The following TENM1 variants were observed in gnomAD, a reference collection of about 807,000 sequenced individuals.
The protein encoded by TENM1 is teneurin transmembrane protein 1, also known as teneurin-1.
TENM1 carries 35 observed loss-of-function variants against 174.8 expected under a neutral mutation model. The observed-to-expected ratio is 0.20, with a 90% CI of 0.15 to 0.27. TENM1 has a LOEUF of 0.27. TENM1 is among the 10% of genes least tolerant of loss of function. TENM1 has a pLI of 1.00. For missense variants in TENM1, 1,633 were observed against 2,130.1 expected (o/e 0.77, Z 4.59); for synonymous variants, 781 against 798.7 (o/e 0.98, Z 0.37).
chrX:125,167,791 C>T, the TENM1 span, among the ~76,000 whole-genome samples: 1 of 111,185 alleles, frequency 9.0e-6, no homozygotes, highest in Non-Finnish European at 1.9e-5. Flanking sequence ...ATATGTAATG[C>T]AACGACTAAA....
At chrX:125,115,115 C>T in the TENM1 span, among the ~76,000 whole-genome samples, 1 of 111,452 alleles carries the variant, frequency 9.0e-6, no homozygotes, top group African/African-American at 3.3e-5. Context: ...TAATCCATCA[C>T]GTAAACAGAA....
chrX:124,927,267 T>C (rs1286173059), intron 1 of TENM1, among the ~76,000 whole-genome samples: 1 of 111,632 alleles, frequency 9.0e-6, no homozygotes, highest in Non-Finnish European at 1.9e-5. Flanking sequence ...TGATATTTTA[T>C]ATTCACAGGA....
chrX:124,951,673 T>TATATATATATATATAAAA (rs767583231), intron 1 of TENM1, among the ~76,000 whole-genome samples: 1 of 66,078 alleles, frequency 1.5e-5, no homozygotes, highest in African/African-American at 5.6e-5. Context: ...TATATATATA[T>TATATATATATATATAAAA]AACAATCAAT....
At chrX:124,926,823 T>A (rs1335777226) in intron 1 of TENM1, among the ~76,000 whole-genome samples, 1 of 112,037 alleles carries the variant, frequency 8.9e-6, no homozygotes, top group Admixed American at 9.5e-5. Flanking sequence ...TTAAAGTCTG[T>A]CAAAATTATG....
At chrX:125,119,638 T>TTA in the TENM1 span, among the ~76,000 whole-genome samples, 3 of 111,108 alleles carry the variant, frequency 2.7e-5, no homozygotes, top group Non-Finnish European at 1.9e-5. Context: ...TAATTAATAA[T>TTA]ATCCCTAGAC....
At chrX:124,944,268 T>C (rs2058370538) in intron 1 of TENM1, among the ~76,000 whole-genome samples, 2 of 111,471 alleles carry the variant, frequency 1.8e-5, no homozygotes, top group South Asian at 7.5e-4. Flanking sequence ...TACCCTGATG[T>C]ATAAAAGAAA....
chrX:124,821,482 C>A (rs886872065), intron 3 of TENM1, among the ~76,000 whole-genome samples: 24 of 112,218 alleles, frequency 2.1e-4, no homozygotes, highest in African/African-American at 7.4e-4. Flanking sequence ...TAATTTTCTA[C>A]AAAATAGTTC....
rs141866764 is a variant in TENM1 at position 124,434,938 on chromosome X, T to C, written c.4105-12300A>G. Among the ~76,000 whole-genome samples the C allele has an allele frequency of 9.0e-3, 1,012 of 112,227 alleles. 3 individuals are homozygous for C. Among genetic ancestry groups the C allele is most frequent in the Non-Finnish European group, 0.015 (794 of 53,264 alleles). On this transcript the variant is annotated intron_variant, in intron 23 of 31. Transcript: ENST00000422452. ...ATATGAAAATGTTACTATGTTTTTT[T>C]ATTTTGAGTCTCTATTTTAATTTAA...
chrX:124,870,974 T>A (rs2057098569), intron 3 of TENM1, among the ~76,000 whole-genome samples: 1 of 111,847 alleles, frequency 8.9e-6, no homozygotes, highest in Non-Finnish European at 1.9e-5. Flanking sequence ...TAATCTCAAA[T>A]CTTTATCTTT....
At chrX:124,563,616 T>C (rs1216609132) in intron 13 of TENM1, 133 bp downstream of exon 16, 2 of 491,188 alleles carry the variant, frequency 4.1e-6, no homozygotes, top group Non-Finnish European at 6.6e-6. Context: ...ACTGACAACA[T>C]TATATTTAAA....
intron 3 of TENM1, among the ~76,000 whole-genome samples, chrX:124,810,191 C>G (rs1941493685): frequency 9.0e-6 from 1 of 111,673 alleles, no homozygotes; most frequent in Admixed American, 9.5e-5. Context: ...TTCTATTCAA[C>G]ATAGTACTGA....
intron 1 of TENM1, among the ~76,000 whole-genome samples, chrX:124,954,932 T>C (rs1345035809): frequency 8.9e-6 from 1 of 111,782 alleles, no homozygotes; most frequent in Non-Finnish European, 1.9e-5. Flanking sequence ...CACATAACCC[T>C]GTCTCTCATT....
chrX:124,886,542 T>TAGAGAG (rs1193540402), intron 3 of TENM1, among the ~76,000 whole-genome samples: 48 of 88,643 alleles, frequency 5.4e-4, no homozygotes, highest in African/African-American at 1.8e-3. Flanking sequence ...TATATATATA[T>TAGAGAG]ATATATAGAG....
chrX:124,584,330 G>T (rs5910096), intron 11 of TENM1, among the ~76,000 whole-genome samples: 2 of 105,541 alleles, frequency 1.9e-5, no homozygotes, highest in Non-Finnish European at 3.9e-5. Context: ...GACTAACAGC[G>T]GATCTCTCGG....
chrX:124,828,990 G>C (rs1200012105), intron 3 of TENM1, among the ~76,000 whole-genome samples: 1 of 111,330 alleles, frequency 9.0e-6, no homozygotes, highest in Non-Finnish European at 1.9e-5. Context: ...GAATTATTAT[G>C]GAAGTAGTAG....
At chrX:124,848,031 T>C (rs1001997938) in intron 3 of TENM1, among the ~76,000 whole-genome samples, 1 of 111,024 alleles carries the variant, frequency 9.0e-6, no homozygotes, top group Admixed American at 9.6e-5. Context: ...TAATCACAGG[T>C]GCTTTGGAAA....
At chrX:124,760,304 G>A (rs1229593902) in intron 3 of TENM1, among the ~76,000 whole-genome samples, 1 of 112,089 alleles carries the variant, frequency 8.9e-6, no homozygotes, top group Non-Finnish European at 1.9e-5. Context: ...CTGAACTAAA[G>A]AGAATGTTCT....
the TENM1 span, among the ~76,000 whole-genome samples, chrX:124,976,680 A>G: frequency 8.9e-6 from 1 of 111,929 alleles, no homozygotes; most frequent in African/African-American, 3.2e-5. Context: ...CAGAAAAGCT[A>G]TGAAGACATG....
At chrX:124,942,424 T>C (rs1461302825) in intron 1 of TENM1, among the ~76,000 whole-genome samples, 1 of 111,850 alleles carries the variant, frequency 8.9e-6, no homozygotes, top group Non-Finnish European at 1.9e-5. Flanking sequence ...AAAGTTCACC[T>C]TGAAGATTAT....
Sources: gnomAD v4.1 joint callset for allele counts (sites outside exome capture counted in the v4.1 genomes callset) on GRCh38, gnomAD v4.1.1 for gene constraint, MANE v1.5 for transcripts, NCBI Gene and HGNC (gene_info 2026-07-23, HGNC 2026-07-21) for gene names.